PRKCH: variants seen among roughly 807,000 people sequenced by gnomAD.
PRKCH encodes protein kinase C eta, also known as protein kinase C eta type.
PRKCH carries 28 observed loss-of-function variants against 82.5 expected under a neutral mutation model. The ratio of observed to expected loss-of-function variants is 0.34; its 90% CI spans 0.25 to 0.47. PRKCH has a LOEUF of 0.47. Among genes scored for constraint, PRKCH ranks in the 20% least tolerant of loss-of-function variants. The pLI, the probability that PRKCH is intolerant of heterozygous loss-of-function variation, is 1.00. For missense variants in PRKCH, 705 were observed against 881.8 expected (o/e 0.80, Z 2.54); for synonymous variants, 322 against 327.4 (o/e 0.98, Z 0.18).
rs1193375856 is a variant in PRKCH at position 61,485,630 on chromosome 14, C to T, written c.1407C>T (p.Phe469=). The T allele has an allele frequency of 6.2e-7, 1 of 1,614,094 alleles. No individual in the cohort carries two copies. Among genetic ancestry groups the T allele is most frequent in the Non-Finnish European group, 8.5e-7 (1 of 1,179,980 alleles). The part of the protein sequence containing the change: ...YAAEIISALM[F]LHDKGIIYRD... The stretch of plus-strand genomic sequence containing the variant: ...CAGAAATCATTTCGGCTCTCATGTT[C>T]CTCCATGATAAAGGAATCATCTATA... The change falls in exon 10 of 14, where the codon TTC becomes TTT. Residue 469 remains phenylalanine, a synonymous_variant. Transcript: ENST00000332981.
At chr14:61,531,702 TG>T (rs919231756) in intron 12 of PRKCH, among the ~76,000 whole-genome samples, 1 of 152,198 alleles carries the variant, frequency 6.6e-6, no homozygotes, top group African/African-American at 2.4e-5. Context: ...CAAGCTGAGG[TG>T]TCAGTACCCT....
At chr14:61,237,614 C>T (rs2044801378) in intron 1 of PRKCH, among the ~76,000 whole-genome samples, 1 of 152,204 alleles carries the variant, frequency 6.6e-6, no homozygotes, top group South Asian at 2.1e-4. Flanking sequence ...TCTATGGATT[C>T]AGGGCTTTAG....
At chr14:61,207,722 C>T (rs2044538702) in intron 1 of PRKCH, among the ~76,000 whole-genome samples, 1 of 152,126 alleles carries the variant, frequency 6.6e-6, no homozygotes, top group Admixed American at 6.6e-5. Context: ...CTAACTTAAT[C>T]CTCTCTACAC....
chr14:61,212,071 G>T (rs60465977), intron 1 of PRKCH, among the ~76,000 whole-genome samples: 5 of 152,078 alleles, frequency 3.3e-5, no homozygotes, highest in Non-Finnish European at 5.9e-5. Context: ...CCTTTCCTTC[G>T]TTTCAGACAG....
chr14:61,281,084 G>T, intron 1 of PRKCH: 1 of 1,512,358 alleles, frequency 6.6e-7, no homozygotes, highest in Non-Finnish European at 8.8e-7. Context: ...GCGGGGAGGC[G>T]CTGCTGAGTG....
chr14:61,440,540 C>T (rs191528519), intron 2 of PRKCH, among the ~76,000 whole-genome samples: 3 of 152,154 alleles, frequency 2.0e-5, no homozygotes, highest in Admixed American at 2.0e-4. Flanking sequence ...TGTGTAGACT[C>T]TAATTTCTTT....
At chr14:61,235,667 T>C (rs966099536) in intron 1 of PRKCH, among the ~76,000 whole-genome samples, 2 of 152,244 alleles carry the variant, frequency 1.3e-5, no homozygotes, top group African/African-American at 4.8e-5. Flanking sequence ...ACATAAAGCA[T>C]GTTTAAATAC....
At chr14:61,197,632 A>G (rs956076400) in intron 1 of PRKCH, among the ~76,000 whole-genome samples, 2 of 152,210 alleles carry the variant, frequency 1.3e-5, no homozygotes, top group Non-Finnish European at 2.9e-5. Context: ...TCATCCATGA[A>G]TGAATTAATC....
chr14:61,220,167 T>C (rs572582280), intron 1 of PRKCH, among the ~76,000 whole-genome samples: 1 of 152,294 alleles, frequency 6.6e-6, no homozygotes, highest in East Asian at 1.9e-4. Context: ...CAAATTCCAA[T>C]TCCTACCAAA....
chr14:61,476,324 T>C (rs1333933583), intron 9 of PRKCH: 2 of 152,248 alleles, frequency 1.3e-5, no homozygotes, highest in African/African-American at 4.8e-5. Context: ...GGGCTCTGCC[T>C]TCAAGGGTTT....
At chr14:61,215,733 G>C (rs1033012445) in intron 1 of PRKCH, among the ~76,000 whole-genome samples, 1 of 152,128 alleles carries the variant, frequency 6.6e-6, no homozygotes, top group African/African-American at 2.4e-5. Flanking sequence ...GCCATGTTTC[G>C]ATAGAAGAGT....
chr14:61,252,328 C>G (rs1366700969), intron 1 of PRKCH, among the ~76,000 whole-genome samples: 1 of 152,170 alleles, frequency 6.6e-6, no homozygotes, highest in Non-Finnish European at 1.5e-5. Flanking sequence ...GAAGGAAGAC[C>G]GTGACTTTCT....
At chr14:61,353,665 TCATAC>T in intron 1 of PRKCH, 1 of 152,328 alleles carries the variant, frequency 6.6e-6, no homozygotes, top group Non-Finnish European at 1.5e-5. Context: ...GCATGGTGGC[TCATAC>T]CTGTAACCCC....
chr14:61,312,190 G>A (rs2045530283), intron 1 of PRKCH, among the ~76,000 whole-genome samples: 1 of 152,144 alleles, frequency 6.6e-6, no homozygotes, highest in South Asian at 2.1e-4. Context: ...TACTTTACTT[G>A]TCCAGCATTT....
intron 1 of PRKCH, among the ~76,000 whole-genome samples, chr14:61,312,153 T>G: frequency 6.6e-6 from 1 of 152,240 alleles, no homozygotes; most frequent in East Asian, 1.9e-4. Context: ...AAATTAGTAC[T>G]GAAAAGAAGC....
chr14:61,404,338 T>C (rs1203502521), intron 2 of PRKCH, among the ~76,000 whole-genome samples: 1 of 152,222 alleles, frequency 6.6e-6, no homozygotes, highest in African/African-American at 2.4e-5. Flanking sequence ...AACTTAGTTC[T>C]CATAGGATTT....
intron 1 of PRKCH, chr14:61,298,407 C>G (rs1305250252): frequency 6.6e-6 from 1 of 152,198 alleles, no homozygotes; most frequent in African/African-American, 2.4e-5. Flanking sequence ...ATGCAGAGAT[C>G]TGAGTCAGGA....
At position 61,352,135 on chromosome 14, in the gene PRKCH, A is replaced by G. The variant is rs553219997; in HGVS notation, c.363+29671A>G. 1.7e-3 allele frequency among the ~76,000 whole-genome samples: 256 copies of G among 152,282 alleles called. 1 individual carries two copies. The highest frequency in any genetic ancestry group is 5.7e-3 in the African/African-American group (236 of 41,562). On this transcript the variant is annotated intron_variant, in intron 1 of 13. Coordinates refer to ENST00000332981, the MANE Select transcript of PRKCH (RefSeq NM_006255.5). ...TGTATGAACTCAAGGAAGTCATCCA[A>G]TGGGATCATCTTTTGACAAAAGAAT...
chr14:61,193,439 T>G (rs2044420301), intron 1 of PRKCH, among the ~76,000 whole-genome samples: 1 of 152,186 alleles, frequency 6.6e-6, no homozygotes. Flanking sequence ...AAATTTTTAC[T>G]TTGCAAATTT....
Sources: gnomAD v4.1 joint callset for allele counts (sites outside exome capture counted in the v4.1 genomes callset) on GRCh38, gnomAD v4.1.1 for gene constraint, MANE v1.5 for transcripts, NCBI Gene and HGNC (gene_info 2026-07-23, HGNC 2026-07-21) for gene names.